Variants in KHDC1 observed in about 807,000 individuals in gnomAD.
KHDC1 encodes KH domain containing 1, also known as KH homology domain-containing protein 1.
In KHDC1, 21 loss-of-function variants were observed where a neutral mutation model predicts 24.7. That is an observed-to-expected ratio of 0.85 (90% CI 0.60 to 1.23). The LOEUF is 1.23. Among genes scored for constraint, KHDC1 ranks in the 50% most tolerant of loss-of-function variants. The probability of loss-of-function intolerance (pLI) is 0.00; values close to 1 mark genes in which losing one functional copy is unlikely to be tolerated. For synonymous variants in KHDC1, 98 were observed against 111.7 expected (o/e 0.88, Z 0.77); for missense variants, 274 against 298.5 (o/e 0.92, Z 0.61).
chr6:73,294,898 A>G (rs566770556), intron 1 of KHDC1, among the ~76,000 whole-genome samples: 1 of 152,260 alleles, frequency 6.6e-6, no homozygotes, highest in South Asian at 2.1e-4. Context: ...TCACACCTGT[A>G]ACCCCAACAC....
chr6:73,301,732 A>G (rs1474402279), intron 1 of KHDC1, among the ~76,000 whole-genome samples: 2 of 152,078 alleles, frequency 1.3e-5, no homozygotes, highest in East Asian at 3.9e-4. Context: ...CCTAGGCTCA[A>G]GTGATACTCC....
At chr6:73,261,644 T>G (rs1582560869) in intron 2 of KHDC1, among the ~76,000 whole-genome samples, 3 of 150,560 alleles carry the variant, frequency 2.0e-5, no homozygotes, top group Admixed American at 6.6e-5. Flanking sequence ...CTGGGAGTGG[T>G]GGCTCACGCC....
At chr6:73,292,090 CCTT>C (rs748391770) in intron 1 of KHDC1, 2 of 1,610,806 alleles carry the variant, frequency 1.2e-6, no homozygotes, top group Non-Finnish European at 1.7e-6. Context: ...GTAAATTGGA[CCTT>C]CTTAGTGATG....
At chr6:73,241,682 A>G (rs1341977734) in exon 5 of KHDC1, 1 of 1,614,202 alleles carries the variant, frequency 6.2e-7, no homozygotes, top group African/African-American at 1.3e-5. Context: ...TGACCAGGTC[A>G]TCGTTGGTCA....
intron 1 of KHDC1, among the ~76,000 whole-genome samples, chr6:73,308,337 G>A (rs546446165): frequency 6.6e-6 from 1 of 151,958 alleles, no homozygotes; most frequent in Admixed American, 6.5e-5. Flanking sequence ...GCCTCCCGAA[G>A]TGCTGGGATT....
chr6:73,264,395 C>T (rs754951966), intron 2 of KHDC1, among the ~76,000 whole-genome samples: 1 of 152,170 alleles, frequency 6.6e-6, no homozygotes, highest in Non-Finnish European at 1.5e-5. Context: ...AAGCTTCTGG[C>T]CTATCAGCTA....
chr6:73,307,572 C>T lies in KHDC1; in HGVS notation c.163+1980G>A, dbSNP rs144039882. 8.5e-4 allele frequency among the ~76,000 whole-genome samples: 129 copies of T among 152,346 alleles called. 1 individual carries two copies. The highest frequency in any genetic ancestry group is 3.1e-3 in the African/African-American group (127 of 41,586). On this transcript the variant is annotated intron_variant, in intron 1 of 4. Transcript: ENST00000370384. ...TTCCCTGTCCTCATCTTTCATGGCA[C>T]AAACAGAACTGGGGTCTTGGCCTCT...
intron 2 of KHDC1, among the ~76,000 whole-genome samples, chr6:73,273,343 T>G (rs1767216700): frequency 6.7e-6 from 1 of 150,208 alleles, no homozygotes; most frequent in Admixed American, 6.7e-5. Context: ...AATTTTTGTA[T>G]TTTCAGTAGA....
intron 2 of KHDC1, among the ~76,000 whole-genome samples, chr6:73,249,499 C>T (rs1766739648): frequency 6.6e-6 from 1 of 152,112 alleles, no homozygotes; most frequent in South Asian, 2.1e-4. Context: ...GCTAGTTATG[C>T]ACAATCTTGG....
chr6:73,265,952 G>C (rs555888394), intron 2 of KHDC1, among the ~76,000 whole-genome samples: 1 of 152,008 alleles, frequency 6.6e-6, no homozygotes, highest in African/African-American at 2.4e-5. Context: ...GACGAGGTCT[G>C]GCTTTGTTAC....
chr6:73,299,942 A>C (rs1333308962), intron 1 of KHDC1: 1 of 152,248 alleles, frequency 6.6e-6, no homozygotes, highest in African/African-American at 2.4e-5. Context: ...TTGAGTGAGC[A>C]GGTGAGGCCC....
At chr6:73,253,346 G>A (rs1421337426) in intron 2 of KHDC1, among the ~76,000 whole-genome samples, 2 of 150,438 alleles carry the variant, frequency 1.3e-5, no homozygotes, top group African/African-American at 4.9e-5. Context: ...ACAAGGTCAG[G>A]AGATCAACCA....
chr6:73,254,244 T>C (rs935961658), intron 2 of KHDC1, among the ~76,000 whole-genome samples: 6 of 151,666 alleles, frequency 4.0e-5, no homozygotes, highest in South Asian at 2.1e-4. Context: ...TGGGATCACT[T>C]GATGTCAGGA....
chr6:73,249,306 T>C (rs1025970150), intron 2 of KHDC1, among the ~76,000 whole-genome samples: 1 of 151,882 alleles, frequency 6.6e-6, no homozygotes, highest in African/African-American at 2.4e-5. Context: ...ATATTCAACA[T>C]TGAAAAAGTA....
intron 2 of KHDC1, among the ~76,000 whole-genome samples, chr6:73,248,921 G>A (rs911096422): frequency 6.9e-6 from 1 of 145,112 alleles, no homozygotes; most frequent in African/African-American, 2.6e-5. Context: ...AGGTTTTCTA[G>A]TATGGCCTTT....
At chr6:73,280,385 A>G (rs2150668483) in intron 2 of KHDC1, among the ~76,000 whole-genome samples, 1 of 151,774 alleles carries the variant, frequency 6.6e-6, no homozygotes, top group South Asian at 2.1e-4. Context: ...CTGGTCTCGA[A>G]CTCCTGGGCT....
chr6:73,282,869 G>A (rs1212728606), intron 2 of KHDC1, among the ~76,000 whole-genome samples: 1 of 152,038 alleles, frequency 6.6e-6, no homozygotes, highest in South Asian at 2.1e-4. Context: ...TCTGATCCCC[G>A]AGTGCTCCAG....
chr6:73,290,848 G>A, intron 2 of KHDC1: 1 of 345,364 alleles, frequency 2.9e-6, no homozygotes, highest in Non-Finnish European at 5.6e-6. Flanking sequence ...TACCACTGCT[G>A]TATGTAACAG....
At position 73,278,651 on chromosome 6, in the gene KHDC1, G is replaced by A. The variant is rs1562254420; in HGVS notation, c.206+13347C>T. Among the ~76,000 whole-genome samples, 3 of 151,996 alleles carry A rather than the reference G, an allele frequency of 2.0e-5. No homozygotes were observed. The East Asian group carries it at 5.8e-4, about 29-fold the overall frequency. On this transcript the variant is annotated intron_variant, in intron 2 of 4. Coordinates refer to ENST00000370384, the Ensembl canonical transcript of KHDC1. Reference sequence around the variant, plus strand: ...TTCAACTTTTTCATTATGAATTTTTGCATTATGATTTTTATTTTATTACAG... The same window carrying A: ...TTCAACTTTTTCATTATGAATTTTTACATTATGATTTTTATTTTATTACAG...
Sources: gnomAD v4.1 joint callset for allele counts (sites outside exome capture counted in the v4.1 genomes callset) on GRCh38, gnomAD v4.1.1 for gene constraint, MANE v1.5 for transcripts, NCBI Gene and HGNC (gene_info 2026-07-23, HGNC 2026-07-21) for gene names.